ZFHX3: variants seen among roughly 807,000 people sequenced by gnomAD.
ZFHX3 encodes zinc finger homeobox 3, also known as zinc finger homeobox protein 3.
ZFHX3 carries 42 observed loss-of-function variants against 279.1 expected under a neutral mutation model. The ratio of observed to expected loss-of-function variants is 0.15; its 90% CI spans 0.12 to 0.19. The LOEUF (loss-of-function observed/expected upper bound fraction) is 0.19, where lower values mean the gene tolerates loss of function less well. ZFHX3 is among the 10% of genes least tolerant of loss of function. The pLI, the probability that ZFHX3 is intolerant of heterozygous loss-of-function variation, is 1.00. For missense variants in ZFHX3, 4,981 were observed against 4,754.0 expected, an observed-to-expected ratio of 1.05 and a Z score of -1.40; for synonymous variants, 2,293 against 1,957.8, an observed-to-expected ratio of 1.17 and a Z score of -4.52.
At chr16:73,847,577 C>A (rs1233860317) in intron 1 of ZFHX3, among the ~76,000 whole-genome samples, 1 of 152,112 alleles carries the variant, frequency 6.6e-6, no homozygotes, top group Non-Finnish European at 1.5e-5. Flanking sequence ...GGTGAATGAG[C>A]CAACTTCAGC....
intron 3 of ZFHX3, among the ~76,000 whole-genome samples, chr16:72,894,908 A>G (rs904943918): frequency 1.3e-5 from 2 of 151,730 alleles, no homozygotes; most frequent in Admixed American, 1.3e-4. Context: ...TACTTTTTCC[A>G]TTTTCTTTAC....
At position 72,794,702 on chromosome 16, in the gene ZFHX3, A is replaced by G. The variant is rs750805702; in HGVS notation, c.7980T>C (p.Tyr2660=). ...PEQLEILYQK[Y]LLDSNPTRKM... is the part of the protein sequence containing the mutation. ...TTCGAGTCGGATTGGAATCCAGTAGATACTTCTGGTAGAGAATTTCTAGTT... is the reference window on the plus strand; with the variant it reads ...TTCGAGTCGGATTGGAATCCAGTAGGTACTTCTGGTAGAGAATTTCTAGTT... The change falls in exon 9 of 10, where the codon TAT becomes TAC. Residue 2660 remains tyrosine (Y), a synonymous_variant. Transcript: ENST00000268489. The surrounding 1 kb of genome is among the most constrained non-coding windows in gnomAD (Gnocchi z 4.2). 4 of 1,614,208 alleles carry G rather than the reference A, an allele frequency of 2.5e-6. No homozygotes were observed. Among genetic ancestry groups the G allele is most frequent in the Middle Eastern group, 1.6e-4 (1 of 6,062 alleles).
intron 4 of ZFHX3, among the ~76,000 whole-genome samples, chr16:73,279,848 T>TA (rs1277740203): frequency 1.3e-5 from 2 of 152,064 alleles, no homozygotes; most frequent in African/African-American, 4.8e-5. Flanking sequence ...TGCAACAAAT[T>TA]AAAAAGTACC....
At chr16:73,585,284 C>T (rs8050341) in intron 2 of ZFHX3, among the ~76,000 whole-genome samples, 10,671 of 152,130 alleles carry the variant, frequency 0.07, 1,298 homozygotes, top group African/African-American at 0.24. Context: ...GGTGTGGTGG[C>T]GGGTGCCTAT....
intron 1 of ZFHX3, among the ~76,000 whole-genome samples, chr16:72,964,669 A>T (rs77908289): frequency 9.7e-4 from 2 of 2,058 alleles, no homozygotes; most frequent in African/African-American, 2.2e-3. Flanking sequence ...TGGTCTATTT[A>T]AAAAAAAAAA....
chr16:73,360,212 T>C (rs1457633200), intron 3 of ZFHX3, among the ~76,000 whole-genome samples: 6 of 152,224 alleles, frequency 3.9e-5, no homozygotes, highest in Non-Finnish European at 5.9e-5. Flanking sequence ...AATAATAGTA[T>C]AATAATAATT....
intron 1 of ZFHX3, among the ~76,000 whole-genome samples, chr16:73,810,182 C>T (rs1249610854): frequency 6.6e-6 from 1 of 152,154 alleles, no homozygotes; most frequent in African/African-American, 2.4e-5. Context: ...ACCCTGTTAA[C>T]CCTGAAAAGA....
At chr16:73,335,618 T>G (rs1156372914) in intron 3 of ZFHX3, among the ~76,000 whole-genome samples, 1 of 152,206 alleles carries the variant, frequency 6.6e-6, no homozygotes, top group Non-Finnish European at 1.5e-5. Context: ...CACCTTTGTT[T>G]GGGCTAAATT....
intron 1 of ZFHX3, among the ~76,000 whole-genome samples, chr16:73,764,356 T>C (rs892499817): frequency 3.3e-5 from 5 of 152,058 alleles, no homozygotes; most frequent in African/African-American, 9.7e-5. Flanking sequence ...ATAAAATTAA[T>C]ATATAAATAA....
At chr16:73,340,935 G>A (rs1349765974) in intron 3 of ZFHX3, among the ~76,000 whole-genome samples, 1 of 152,116 alleles carries the variant, frequency 6.6e-6, no homozygotes, top group Non-Finnish European at 1.5e-5. Flanking sequence ...TTAAAAAATT[G>A]CATGAAAAAA....
intron 1 of ZFHX3, among the ~76,000 whole-genome samples, chr16:73,704,549 T>C (rs2053285540): frequency 6.6e-6 from 1 of 152,226 alleles, no homozygotes; most frequent in Non-Finnish European, 1.5e-5. Context: ...CTGCTACCAA[T>C]GGGCTCACGT....
At chr16:73,875,368 C>G (rs1351759783) in intron 1 of ZFHX3, among the ~76,000 whole-genome samples, 1 of 152,098 alleles carries the variant, frequency 6.6e-6, no homozygotes, top group African/African-American at 2.4e-5. Context: ...GGTGCAAACA[C>G]AGTTACAAGG....
chr16:73,092,982 G>A (rs750578968), intron 8 of ZFHX3: 4 of 520,106 alleles, frequency 7.7e-6, no homozygotes, highest in Admixed American at 5.8e-5. Context: ...TGCCCTTCCT[G>A]GAGGTGAAAT....
chr16:73,623,135 C>T (rs2052381630), intron 2 of ZFHX3, among the ~76,000 whole-genome samples: 1 of 151,934 alleles, frequency 6.6e-6, no homozygotes, highest in Non-Finnish European at 1.5e-5. Context: ...CTCCCGGGTT[C>T]ACACCATTCT....
intron 4 of ZFHX3, among the ~76,000 whole-genome samples, chr16:73,272,304 C>T (rs887282280): frequency 6.6e-6 from 1 of 152,068 alleles, no homozygotes; most frequent in Non-Finnish European, 1.5e-5. Flanking sequence ...ATATTTTTCT[C>T]TCCCAGTTTT....
intron 1 of ZFHX3, among the ~76,000 whole-genome samples, chr16:73,735,931 T>G (rs1335000630): frequency 1.3e-5 from 1 of 74,434 alleles, no homozygotes; most frequent in Non-Finnish European, 3.1e-5. Context: ...CTCTGAAGGT[T>G]GGTGCACCTG....
At chr16:73,350,596 C>T (rs1480111386) in intron 3 of ZFHX3, among the ~76,000 whole-genome samples, 1 of 152,186 alleles carries the variant, frequency 6.6e-6, no homozygotes, top group East Asian at 1.9e-4. Context: ...AGCGAAGACT[C>T]AACTGAGAGA....
intron 1 of ZFHX3, among the ~76,000 whole-genome samples, chr16:73,706,456 C>CAA (rs59244758): frequency 1.1e-4 from 14 of 129,750 alleles, no homozygotes; most frequent in African/African-American, 3.9e-4. Flanking sequence ...AACTCTATCT[C>CAA]AAAAAAAAAA....
intron 5 of ZFHX3, chr16:73,144,545 G>A (rs1478093524): frequency 6.6e-6 from 1 of 152,308 alleles, no homozygotes; most frequent in Non-Finnish European, 1.5e-5. Flanking sequence ...AAGCCTTTAA[G>A]TCCCTAACAG....
Sources: allele counts gnomAD v4.1 joint callset (sites outside exome capture counted in the v4.1 genomes callset), GRCh38; gene constraint gnomAD v4.1.1; non-coding constraint Gnocchi (gnomAD v3.1); transcripts MANE v1.5; gene names NCBI Gene and HGNC (gene_info 2026-07-23, HGNC 2026-07-21).